The following PTK2 variants were observed in gnomAD, a reference collection of about 807,000 sequenced individuals.
The protein encoded by PTK2 is protein tyrosine kinase 2, also known as focal adhesion kinase 1.
In PTK2, 45 loss-of-function variants were observed where a neutral mutation model predicts 150.1. The observed-to-expected ratio is 0.30, with a 90% CI of 0.24 to 0.38. PTK2 has a LOEUF of 0.38. Ranked by LOEUF, PTK2 falls within the 10% of genes least tolerant of loss-of-function variation. PTK2 has a pLI of 1.00. For synonymous variants in PTK2, 432 were observed against 449.2 expected, an observed-to-expected ratio of 0.96 and a Z score of 0.48; for missense variants, 919 against 1,307.3, an observed-to-expected ratio of 0.70 and a Z score of 4.58.
chr8:140,792,627 C>G (rs938898079), intron 13 of PTK2, among the ~76,000 whole-genome samples: 1 of 152,208 alleles, frequency 6.6e-6, no homozygotes, highest in African/African-American at 2.4e-5. Context: ...GGCAGTGAAG[C>G]AGATGGATCC....
intron 4 of PTK2, among the ~76,000 whole-genome samples, chr8:140,870,739 T>G (rs1489655579): frequency 6.6e-6 from 1 of 152,202 alleles, no homozygotes; most frequent in Non-Finnish European, 1.5e-5. Context: ...GGATCCTAAT[T>G]CAAATAATTT....
chr8:140,702,520 T>G, intron 25 of PTK2, 50 bp downstream of exon 28: 1 of 1,594,872 alleles, frequency 6.3e-7, no homozygotes, highest in South Asian at 1.1e-5. Flanking sequence ...ATGCCCAGCT[T>G]TGCCATGCTT....
intron 4 of PTK2, among the ~76,000 whole-genome samples, chr8:140,876,890 T>TA (rs1600057717): frequency 1.3e-5 from 2 of 152,144 alleles, no homozygotes; most frequent in African/African-American, 2.4e-5. Flanking sequence ...TACTGACACT[T>TA]AAATTCCTCC....
chr8:140,674,891 A>T (rs1449148281), intron 28 of PTK2, among the ~76,000 whole-genome samples: 6 of 48,544 alleles, frequency 1.2e-4, no homozygotes, highest in South Asian at 6.8e-4. Flanking sequence ...TAGTAAAATT[A>T]AAAAAAAAAA....
At chr8:140,788,663 G>A (rs867218341) in intron 14 of PTK2, among the ~76,000 whole-genome samples, 19 of 152,100 alleles carry the variant, frequency 1.2e-4, no homozygotes, top group Middle Eastern at 3.2e-3. Flanking sequence ...CAGCCTGGGC[G>A]ACAGAGTGAG....
chr8:140,776,108 A>C (rs767461665), intron 14 of PTK2, among the ~76,000 whole-genome samples: 7 of 152,148 alleles, frequency 4.6e-5, no homozygotes, highest in African/African-American at 7.2e-5. Flanking sequence ...GGTTCAAGTG[A>C]TTCTCGTGCC....
intron 2 of PTK2, among the ~76,000 whole-genome samples, chr8:140,919,637 A>G (rs1186646377): frequency 6.6e-6 from 1 of 152,094 alleles, no homozygotes; most frequent in Non-Finnish European, 1.5e-5. Context: ...AGAAGTATAG[A>G]ATTCTTTGGC....
rs762730276 is a variant in PTK2, at chr8:140,846,696, G to A, written c.451-18C>T. 1.3e-6 allele frequency: 2 copies of A among 1,574,452 alleles called. No homozygotes were observed. Among genetic ancestry groups the A allele is most frequent in the East Asian group, 4.5e-5 (2 of 44,460 alleles). ...CTCTTCACCTACAACAAAAGGAATGGGAAAAACAACACTGTTTTAAAAGAA... is the reference window on the plus strand; with the variant it reads ...CTCTTCACCTACAACAAAAGGAATGAGAAAAACAACACTGTTTTAAAAGAA... On this transcript the variant is annotated intron_variant, in intron 5 of 31. Coordinates refer to ENST00000522684, the Ensembl canonical transcript of PTK2.
chr8:140,917,580 G>C (rs551251758), intron 2 of PTK2, among the ~76,000 whole-genome samples: 2 of 152,172 alleles, frequency 1.3e-5, no homozygotes, highest in Admixed American at 1.3e-4. Flanking sequence ...ATTTCTGACA[G>C]CTGAATGATC....
chr8:140,725,912 T>A (rs565515060), intron 22 of PTK2, among the ~76,000 whole-genome samples: 5 of 151,436 alleles, frequency 3.3e-5, no homozygotes, highest in African/African-American at 1.2e-4. Context: ...GGAGGCTGAT[T>A]CTAAAGATGA....
chr8:140,774,237 T>C (rs2100077142), intron 14 of PTK2, among the ~76,000 whole-genome samples: 1 of 152,184 alleles, frequency 6.6e-6, no homozygotes, highest in Non-Finnish European at 1.5e-5. Context: ...TTGAACTTTG[T>C]ATGTGTGGCA....
rs1226755165 is a variant in PTK2 at position 140,823,448 on chromosome 8, C to T, written c.649-4428G>A. Among the ~76,000 whole-genome samples the T allele has an allele frequency of 4.0e-5, 6 of 148,260 alleles. 1 individual carries two copies. Among genetic ancestry groups the T allele is most frequent in the Non-Finnish European group, 8.9e-5 (6 of 67,226 alleles). The stretch of plus-strand genomic sequence containing the variant: ...TCTATGAAGTAACGGAGATAGAAGT[C>T]GAGGAAACAGAATCTGCTCTTGAGG... On this transcript the variant is annotated intron_variant, in intron 8 of 31. Coordinates refer to ENST00000522684, the Ensembl canonical transcript of PTK2.
rs547949378 is a variant in PTK2, at chr8:140,954,269, C to T, written c.-121-28520G>A. On this transcript the variant is annotated intron_variant, in intron 1 of 31. Coordinates refer to ENST00000522684, the Ensembl canonical transcript of PTK2. ...TGCTGTGATTACAGGCATGAGCCAC[C>T]GCACCCAGCCACTTGGTCTCAAACT... Among the ~76,000 whole-genome samples the T allele has an allele frequency of 5.3e-5, 8 of 152,230 alleles. No homozygotes were observed. The East Asian group carries it at 1.2e-3, about 22-fold the overall frequency.
At chr8:140,974,549 A>C (rs1057225737) in intron 1 of PTK2, among the ~76,000 whole-genome samples, 1 of 152,232 alleles carries the variant, frequency 6.6e-6, no homozygotes, top group African/African-American at 2.4e-5. Context: ...ATACAGTTCA[A>C]CTTAGAAAAC....
Position 140,761,258 on chromosome 8 carries a change from CCTGGCTGTAAAACATAATTCACA to C in PTK2, c.1235-19_1238del. 6.2e-7 allele frequency: 1 copy of C among 1,607,868 alleles called. No homozygotes were observed. Among genetic ancestry groups the C allele is most frequent in the Non-Finnish European group, 8.5e-7 (1 of 1,174,760 alleles). On this transcript the variant is annotated splice_acceptor_variant and splice_polypyrimidine_tract_variant and coding_sequence_variant and intron_variant, in exon 16 of 32. Coordinates refer to ENST00000522684, the Ensembl canonical transcript of PTK2. LOFTEE classifies it high-confidence loss of function. ...TTCTTTCTCTTTGAATCTCATAATC[CCTGGCTGTAAAACATAATTCACA>C]CATCAATACTTAAGTAAAATATTCC...
chr8:140,693,670 T>C lies in PTK2; in HGVS notation c.2500-6976A>G, dbSNP rs919199988. Among the ~76,000 whole-genome samples, 9 of 147,806 alleles carry C rather than the reference T, an allele frequency of 6.1e-5. No homozygotes were observed. In the South Asian group the frequency reaches 8.8e-4, roughly 14 times the overall value. ...TGACCTTGGGCAAGAGCATCCGGGC[T>C]GCTATCATAAAACACATTCTGTGCA... is the stretch of plus-strand genomic sequence containing the variant. On this transcript the variant is annotated intron_variant, in intron 26 of 31. Transcript: ENST00000522684.
chr8:140,710,154 T>C (rs914297417), intron 23 of PTK2, among the ~76,000 whole-genome samples: 2 of 150,350 alleles, frequency 1.3e-5, no homozygotes, highest in Non-Finnish European at 3.0e-5. Context: ...TATGAGAAGA[T>C]TTTCATATTT....
chr8:140,743,864 G>A (rs1434908689), intron 19 of PTK2, among the ~76,000 whole-genome samples: 3 of 150,240 alleles, frequency 2.0e-5, no homozygotes, highest in East Asian at 2.0e-4. Flanking sequence ...TGCAAGCTCC[G>A]CCTCCTGGGT....
intron 7 of PTK2, among the ~76,000 whole-genome samples, chr8:140,832,525 T>C (rs935035045): frequency 1.3e-5 from 2 of 152,066 alleles, no homozygotes; most frequent in African/African-American, 4.8e-5. Context: ...AAGGGGGCAG[T>C]TTCTGTTCTG....
Sources: allele counts gnomAD v4.1 joint callset (sites outside exome capture counted in the v4.1 genomes callset), GRCh38; gene constraint gnomAD v4.1.1; transcripts MANE v1.5; gene names NCBI Gene and HGNC (gene_info 2026-07-23, HGNC 2026-07-21).